EZR: variants seen among roughly 807,000 people sequenced by gnomAD.
EZR encodes the protein ezrin.
EZR carries 40 observed loss-of-function variants against 74.8 expected under a neutral mutation model. The observed-to-expected ratio is 0.53, with a 90% CI of 0.42 to 0.70. The LOEUF (loss-of-function observed/expected upper bound fraction) is 0.70, where lower values mean the gene tolerates loss of function less well. Ranked by LOEUF, EZR falls within the 30% of genes least tolerant of loss-of-function variation. The pLI is 0.00. For synonymous variants in EZR, 341 were observed against 283.3 expected, an observed-to-expected ratio of 1.20 and a Z score of -2.05; for missense variants, 678 against 755.8, an observed-to-expected ratio of 0.90 and a Z score of 1.21.
chr6:158,774,707 A>ACG (rs770879618), intron 8 of EZR, among the ~76,000 whole-genome samples: 8 of 149,356 alleles, frequency 5.4e-5, no homozygotes, highest in Non-Finnish European at 1.2e-4. Flanking sequence ...ACACACACAC[A>ACG]CACACACGCA....
At chr6:158,810,091 A>G (rs1479584884) in intron 2 of EZR, among the ~76,000 whole-genome samples, 3 of 152,254 alleles carry the variant, frequency 2.0e-5, no homozygotes, top group East Asian at 1.9e-4. Context: ...AATCTGATAT[A>G]CTGACTACTA....
intron 4 of EZR, 22 bp downstream of exon 4, chr6:158,787,086 T>C (rs111554317): frequency 6.3e-7 from 1 of 1,597,634 alleles, no homozygotes; most frequent in Admixed American, 1.7e-5. Flanking sequence ...CCACAGCCTG[T>C]AAATAGTTAA....
intron 2 of EZR, chr6:158,789,610 A>G (rs1321579728): frequency 4.8e-6 from 3 of 631,242 alleles, no homozygotes; most frequent in African/African-American, 3.8e-5. Flanking sequence ...ACTGACACTT[A>G]GGTCTAAGCA....
At chr6:158,817,110 G>C (rs1777574170) in intron 2 of EZR, among the ~76,000 whole-genome samples, 1 of 152,010 alleles carries the variant, frequency 6.6e-6, no homozygotes, top group Non-Finnish European at 1.5e-5. Flanking sequence ...AGGCACACAA[G>C]CATTGATTAC....
In EZR at chr6:158,771,318, C is replaced by A; in HGVS notation, c.885G>T (p.Arg295Ser). The change falls in exon 9 of 14, where the codon AGG (arginine) becomes AGT (serine). Residue 295 changes from arginine to serine, a missense_variant. Around this residue, in one of 3 missense-constraint regions of EZR, gnomAD observed 119 missense variants for 182.3 expected, o/e 0.65. Transcript: ENST00000367075. ...GCTGCACCTCGATGGTGTCAGGCTT[C>A]CTGCGGCGCATATACAACTCATGGT... Reference protein sequence around the residue: ...MGNHELYMRRRKPDTIEVQQM... With the variant: ...MGNHELYMRRSKPDTIEVQQM... 6.2e-7 allele frequency: 1 copy of A among 1,614,216 alleles called. No homozygotes were observed. The highest frequency in any genetic ancestry group is 8.5e-7 in the Non-Finnish European group (1 of 1,180,012).
At chr6:158,818,316 T>TGGGGAGGGGGCACGGGC (rs1404343567) in intron 1 of EZR, 150 bp from the exon 2 acceptor site, 5 of 291,652 alleles carry the variant, frequency 1.7e-5, no homozygotes, top group South Asian at 1.6e-4. Context: ...ACTGCGGGCA[T>TGGGGAGGGGGCACGGGC]GGGGAGGGGG....
chr6:158,783,797 C>CA (rs1342485225), intron 6 of EZR, 131 bp from the exon 7 acceptor site: 43 of 1,012,390 alleles, frequency 4.2e-5, no homozygotes, highest in Admixed American at 7.3e-5. Flanking sequence ...TGCGTGCAGG[C>CA]AGGCAGGGGC....
chr6:158,766,122 T>TTA lies in EZR; in HGVS notation c.*790_*791dup, dbSNP rs1790781692. The TTA allele has an allele frequency of 6.6e-6, 1 of 152,608 alleles. No homozygotes were observed. The highest frequency in any genetic ancestry group is 1.5e-5 in the Non-Finnish European group (1 of 68,018). 9.5% of individuals were successfully genotyped at this position (152,608 alleles called of 1,614,324 possible). ...GCCACATCACATCAAGTGCCATGGTTTAGAGGGTTTTTCATATGTAATTCT... is the reference window on the plus strand; with the variant it reads ...GCCACATCACATCAAGTGCCATGGTTTATAGAGGGTTTTTCATATGTAATTCT... On this transcript the variant is annotated 3_prime_UTR_variant, in exon 14 of 14. Coordinates refer to ENST00000367075, the MANE Select transcript of EZR (RefSeq NM_001111077.2).
At chr6:158,793,788 T>C (rs1162658747) in intron 2 of EZR, among the ~76,000 whole-genome samples, 1 of 152,224 alleles carries the variant, frequency 6.6e-6, no homozygotes, top group Non-Finnish European at 1.5e-5. Context: ...TACCACAGCA[T>C]GGCACTGCCT....
At chr6:158,781,477 G>A (rs540449098) in intron 7 of EZR, among the ~76,000 whole-genome samples, 7 of 152,216 alleles carry the variant, frequency 4.6e-5, no homozygotes, top group Non-Finnish European at 8.8e-5. Context: ...TTACTTGGAA[G>A]AAATGGACAC....
At chr6:158,805,760 CATT>C (rs978343989) in intron 2 of EZR, among the ~76,000 whole-genome samples, 4 of 152,094 alleles carry the variant, frequency 2.6e-5, no homozygotes, top group African/African-American at 9.7e-5. Flanking sequence ...TCTGAAATGG[CATT>C]ATAATTTGTA....
intron 8 of EZR, among the ~76,000 whole-genome samples, chr6:158,774,709 ACACACG>A (rs1791220588): frequency 6.8e-6 from 1 of 148,014 alleles, no homozygotes; most frequent in African/African-American, 2.5e-5. Flanking sequence ...ACACACACAC[ACACACG>A]CACAAACATT....
chr6:158,784,136 G>A (rs16889158), intron 6 of EZR, among the ~76,000 whole-genome samples: 2,449 of 152,234 alleles, frequency 0.016, 56 homozygotes, highest in African/African-American at 0.056. Flanking sequence ...ATGCAGACTC[G>A]CAAGACTAGG....
intron 2 of EZR, among the ~76,000 whole-genome samples, chr6:158,805,624 A>C (rs1252978770): frequency 6.6e-6 from 1 of 152,186 alleles, no homozygotes; most frequent in African/African-American, 2.4e-5. Context: ...TAAATCAGTA[A>C]TCTTACAAAA....
Position 158,785,379 on chromosome 6 carries a change from T to G in EZR, c.397A>C (p.Lys133Gln), listed in dbSNP as rs1791549187. Residue 133 changes from lysine to glutamine, a missense_variant, in exon 5 of 14, where the codon AAG (lysine) becomes CAG (glutamine). Physicochemically the swap from Lys to Gln is moderately conservative, Grantham distance 53. Transcript: ENST00000367075. ...ACTTCTTTGTTGTAGTCCCCAAACT[T>G]GGCCTGCACAGCGTAGGACCCCAAG... is the stretch of plus-strand genomic sequence containing the variant. ...VLLGSYAVQAKFGDYNKEVHK... is the reference protein window; with the variant it reads ...VLLGSYAVQAQFGDYNKEVHK... 6.2e-7 allele frequency: 1 copy of G among 1,614,186 alleles called. No homozygotes were observed. Among genetic ancestry groups the G allele is most frequent in the Non-Finnish European group, 8.5e-7 (1 of 1,180,020 alleles).
At chr6:158,769,545 T>C in intron 11 of EZR, 127 bp from the exon 12 acceptor site, 1 of 1,053,194 alleles carries the variant, frequency 9.5e-7, no homozygotes, top group Non-Finnish European at 1.4e-6. Context: ...CCACCCCCAC[T>C]CCATGGCCAG....
chr6:158,807,187 C>T (rs968495424), intron 2 of EZR, among the ~76,000 whole-genome samples: 2 of 152,112 alleles, frequency 1.3e-5, no homozygotes, highest in East Asian at 1.9e-4. Context: ...TGATGGCTGG[C>T]GCCTGTAGTC....
At chr6:158,799,691 T>C (rs1399254991) in intron 2 of EZR, among the ~76,000 whole-genome samples, 1 of 152,250 alleles carries the variant, frequency 6.6e-6, no homozygotes, top group East Asian at 1.9e-4. Flanking sequence ...CTGTAAAACA[T>C]TACCATTGAC....
At chr6:158,780,891 A>G (rs1210894725) in intron 7 of EZR, among the ~76,000 whole-genome samples, 1 of 152,204 alleles carries the variant, frequency 6.6e-6, no homozygotes, top group Non-Finnish European at 1.5e-5. Context: ...CTAAGGGTTT[A>G]AAGAAAGATG....
Sources: gnomAD v4.1 joint callset for allele counts (sites outside exome capture counted in the v4.1 genomes callset) on GRCh38, gnomAD v4.1.1 for gene constraint, gnomAD v4.1.1 regional missense constraint, MANE v1.5 for transcripts, NCBI Gene and HGNC (gene_info 2026-07-23, HGNC 2026-07-21) for gene names.